Variants in RNF144B observed in about 807,000 individuals in gnomAD.
RNF144B encodes the protein E3 ubiquitin-protein ligase RNF144B.
In RNF144B, 25 loss-of-function variants were observed where a neutral mutation model predicts 40.2. The ratio of observed to expected loss-of-function variants is 0.62; its 90% confidence interval spans 0.45 to 0.87. RNF144B has a LOEUF of 0.87. Ranked by LOEUF, RNF144B falls within the 40% of genes least tolerant of loss-of-function variation. The probability of loss-of-function intolerance (pLI) is 0.00; values close to 1 mark genes in which losing one functional copy is unlikely to be tolerated. For synonymous variants in RNF144B, 145 were observed against 136.3 expected (o/e 1.06, Z -0.44); for missense variants, 365 against 373.7 (o/e 0.98, Z 0.19).
intron 3 of RNF144B, among the ~76,000 whole-genome samples, chr6:18,435,731 A>G (rs1009407062): frequency 2.0e-5 from 3 of 152,134 alleles, no homozygotes; most frequent in Admixed American, 6.5e-5. Context: ...AGGGACATGG[A>G]TGAAGCTGGA....
intron 2 of RNF144B, among the ~76,000 whole-genome samples, chr6:18,424,437 G>A (rs973684267): frequency 3.3e-5 from 5 of 152,104 alleles, no homozygotes; most frequent in Non-Finnish European, 5.9e-5. Context: ...TTGAACCAGT[G>A]TTTCTTAGCA....
Position 18,450,930 on chromosome 6 carries a change from C to G in RNF144B, c.332-6225C>G, listed in dbSNP as rs1759196640. Among the ~76,000 whole-genome samples the G allele has an allele frequency of 1.3e-5, 2 of 152,126 alleles. No homozygotes were observed. Among genetic ancestry groups the G allele is most frequent in the South Asian group, 4.2e-4 (2 of 4,818 alleles). On this transcript the variant is annotated intron_variant, in intron 4 of 7. Coordinates refer to ENST00000259939, the MANE Select transcript of RNF144B (RefSeq NM_182757.4). This position sits in a 1 kb window ranked among gnomAD's most constrained non-coding sequence, Gnocchi z 4.7. ...TGTGTTTTGTCTCAGCATGTGTTTCCTGCTTTGTTTTATGATTAGGAGGGA... is the reference window on the plus strand; with the variant it reads ...TGTGTTTTGTCTCAGCATGTGTTTCGTGCTTTGTTTTATGATTAGGAGGGA...
intron 2 of RNF144B, among the ~76,000 whole-genome samples, chr6:18,401,619 G>A (rs976841766): frequency 1.3e-5 from 2 of 152,154 alleles, no homozygotes; most frequent in African/African-American, 4.8e-5. Flanking sequence ...TTTGGTTAGA[G>A]ATTTATTTCT....
Position 18,387,421 on chromosome 6 carries a change from G to T in RNF144B, c.-246G>T, listed in dbSNP as rs539447648. 1.4e-5 allele frequency: 17 copies of T among 1,181,382 alleles called. No individual in the cohort carries two copies. The South Asian group carries it at 2.4e-4, about 16-fold the overall frequency. The allele number at this position is 1,181,382 out of a possible 1,614,324, so 73.2% of individuals were successfully genotyped here. A position where few individuals can be genotyped will look rare whatever the true frequency, so the allele number is the denominator to read the frequency against. ...TGCCAGTCAAGGCTAGGAGGCGGTC[G>T]GGGACTCCGCCTCCTCCCGACCCGT... On this transcript the variant is annotated 5_prime_UTR_variant, in exon 1 of 8. Transcript: ENST00000259939.
intron 4 of RNF144B, among the ~76,000 whole-genome samples, chr6:18,452,368 C>T (rs1265456920): frequency 6.6e-6 from 1 of 152,010 alleles, no homozygotes; most frequent in Non-Finnish European, 1.5e-5. Context: ...AAGGCATGTG[C>T]ACAATAGAAG....
chr6:18,415,443 C>T (rs1795132025), intron 2 of RNF144B, among the ~76,000 whole-genome samples: 1 of 152,110 alleles, frequency 6.6e-6, no homozygotes, highest in South Asian at 2.1e-4. Context: ...TCTGTGTCCT[C>T]ACGTGACAGA....
rs1209096448 is a variant in RNF144B at position 18,387,416 on chromosome 6, C to T, written c.-251C>T. 2 of 1,176,546 alleles carry T rather than the reference C, an allele frequency of 1.7e-6. No homozygotes were observed. Among genetic ancestry groups the T allele is most frequent in the African/African-American group, 1.6e-5 (1 of 61,698 alleles). 72.9% of individuals were successfully genotyped at this position (1,176,546 alleles called of 1,614,324 possible). ...GCAGCTGCCAGTCAAGGCTAGGAGGCGGTCGGGGACTCCGCCTCCTCCCGA... is the reference window on the plus strand; with the variant it reads ...GCAGCTGCCAGTCAAGGCTAGGAGGTGGTCGGGGACTCCGCCTCCTCCCGA... On this transcript the variant is annotated 5_prime_UTR_variant, in exon 1 of 8. Transcript: ENST00000259939.
At chr6:18,436,967 A>G (rs1758837289) in intron 3 of RNF144B, among the ~76,000 whole-genome samples, 1 of 152,000 alleles carries the variant, frequency 6.6e-6, no homozygotes, top group South Asian at 2.1e-4. Flanking sequence ...TCAGAAAATT[A>G]GTTCTAATCT....
chr6:18,462,044 C>T (rs991927171), intron 6 of RNF144B, among the ~76,000 whole-genome samples: 1 of 152,206 alleles, frequency 6.6e-6, no homozygotes, highest in Admixed American at 6.5e-5. Flanking sequence ...GTTTCAATTT[C>T]CACTCTCCAC....
rs756194094 is a variant in RNF144B at position 18,459,591 on chromosome 6, T to A, written c.537-16T>A. Reference sequence around the variant, plus strand: ...ACCATCAGCTGAATGCCATTTCTCATCCATTTTGTTTCTAGAGCCCTCTTT... The same window carrying A: ...ACCATCAGCTGAATGCCATTTCTCAACCATTTTGTTTCTAGAGCCCTCTTT... On this transcript the variant is annotated splice_polypyrimidine_tract_variant and intron_variant, in intron 5 of 7. Coordinates refer to ENST00000259939, the MANE Select transcript of RNF144B (RefSeq NM_182757.4). This position sits in a 1 kb window ranked among gnomAD's most constrained non-coding sequence, Gnocchi z 4.2. 4 of 1,611,178 alleles carry A rather than the reference T, an allele frequency of 2.5e-6. No homozygotes were observed. Among genetic ancestry groups the A allele is most frequent in the South Asian group, 1.1e-5 (1 of 90,898 alleles).
chr6:18,414,039 T>C lies in RNF144B; in HGVS notation c.166-13542T>C, dbSNP rs1318866374. On this transcript the variant is annotated intron_variant, in intron 2 of 7. Coordinates refer to ENST00000259939, the MANE Select transcript of RNF144B (RefSeq NM_182757.4). The surrounding 1 kb of genome is among the most constrained non-coding windows in gnomAD (Gnocchi z 4.9). ...CTTTTTAGAAAATGTTAAAAAAAAT[T>C]CCAGGTTTTGCAGGATAAATCCTCG... 6.6e-6 allele frequency among the ~76,000 whole-genome samples: 1 copy of C among 152,158 alleles called. No individual in the cohort carries two copies. The highest frequency in any genetic ancestry group is 2.4e-5 in the African/African-American group (1 of 41,428).
Position 18,457,343 on chromosome 6 carries a change from C to T in RNF144B, c.520C>T (p.Leu174=), listed in dbSNP as rs75403847. 1,818 of 1,613,698 alleles carry T rather than the reference C, an allele frequency of 1.1e-3. 1 individual carries two copies. Among genetic ancestry groups the T allele is most frequent in the Non-Finnish European group, 1.4e-3 (1,687 of 1,179,574 alleles). Residue 174 remains leucine, a synonymous_variant, in exon 5 of 8, where the codon CTG becomes TTG. Transcript: ENST00000259939. This position sits in a 1 kb window ranked among gnomAD's most constrained non-coding sequence, Gnocchi z 5.1. ...VSCRDSQPIV[L]PTEHRALFGT... is the part of the protein sequence containing the mutation. ...CTGTAGAGACAGTCAGCCTATTGTC[C>T]TGCCAACAGAGCACCGGTAAGAAAG...
intron 2 of RNF144B, among the ~76,000 whole-genome samples, chr6:18,403,739 T>G (rs1462187661): frequency 1.3e-5 from 2 of 152,136 alleles, no homozygotes; most frequent in African/African-American, 4.8e-5. Flanking sequence ...GAAAAGAGGT[T>G]TATTTAGCTC....
Position 18,443,552 on chromosome 6 carries a change from T to C in RNF144B, c.331+3808T>C, listed in dbSNP as rs1759013011. ...CTGGGATTACAGGTGTGAGCTACCGTGCCCGGCCTCTTAGGTGATTTTGGA... is the reference window on the plus strand; with the variant it reads ...CTGGGATTACAGGTGTGAGCTACCGCGCCCGGCCTCTTAGGTGATTTTGGA... On this transcript the variant is annotated intron_variant, in intron 4 of 7. Transcript: ENST00000259939. The surrounding 1 kb of genome is among the most constrained non-coding windows in gnomAD (Gnocchi z 4.7). Among the ~76,000 whole-genome samples, 1 of 152,170 alleles carries C rather than the reference T, an allele frequency of 6.6e-6. No individual in the cohort carries two copies. Among genetic ancestry groups the C allele is most frequent in the Admixed American group, 6.6e-5 (1 of 15,262 alleles).
intron 4 of RNF144B, among the ~76,000 whole-genome samples, chr6:18,449,092 A>G (rs1759151094): frequency 6.6e-6 from 1 of 152,218 alleles, no homozygotes; most frequent in Non-Finnish European, 1.5e-5. Context: ...ACTTTCTCCT[A>G]TGATAACCCT....
At position 18,416,589 on chromosome 6, in the gene RNF144B, A is replaced by C. The variant is rs1028371762; in HGVS notation, c.166-10992A>C. On this transcript the variant is annotated intron_variant, in intron 2 of 7. Coordinates refer to ENST00000259939, the MANE Select transcript of RNF144B (RefSeq NM_182757.4). This position sits in a 1 kb window ranked among gnomAD's most constrained non-coding sequence, Gnocchi z 5.5. ...TCTCCCATATTGAATGACTGTCCTCAAACTTACAAGGTGGATCTTAGTAAT... is the reference window on the plus strand; with the variant it reads ...TCTCCCATATTGAATGACTGTCCTCCAACTTACAAGGTGGATCTTAGTAAT... Among the ~76,000 whole-genome samples, 1 of 152,242 alleles carries C rather than the reference A, an allele frequency of 6.6e-6. No homozygotes were observed. Among genetic ancestry groups the C allele is most frequent in the Non-Finnish European group, 1.5e-5 (1 of 68,046 alleles).
chr6:18,388,233 C>G (rs1419413006), intron 1 of RNF144B, among the ~76,000 whole-genome samples: 1 of 152,080 alleles, frequency 6.6e-6, no homozygotes, highest in African/African-American at 2.4e-5. Flanking sequence ...TTTTCATGTT[C>G]TCATAACAGA....
rs1554182730 is a variant in RNF144B, at chr6:18,467,402, T to TTTTTG, written c.*2339_*2340insGTTTT. On this transcript the variant is annotated 3_prime_UTR_variant, in exon 8 of 8. Transcript: ENST00000259939. ...GTATCACTGAATTAGCTGCTTTTGT[T>TTTTTG]TTTTTTTTTTTTTTTTTGCCAGGGC... 2 of 128,046 alleles carry TTTTTG rather than the reference T, an allele frequency of 1.6e-5. No individual in the cohort carries two copies. The highest frequency in any genetic ancestry group is 8.0e-5 in the Admixed American group (1 of 12,486). 7.9% of individuals were successfully genotyped at this position (128,046 alleles called of 1,614,324 possible). A position where few individuals can be genotyped will look rare whatever the true frequency, so the allele number is the denominator to read the frequency against.
intron 2 of RNF144B, among the ~76,000 whole-genome samples, chr6:18,407,859 G>T (rs184788322): frequency 3.9e-5 from 6 of 152,032 alleles, no homozygotes; most frequent in African/African-American, 1.4e-4. Context: ...GAGATAAGTA[G>T]GCCTGCTATT....
Sources: gnomAD v4.1 joint callset for allele counts (sites outside exome capture counted in the v4.1 genomes callset) on GRCh38, gnomAD v4.1.1 for gene constraint, Gnocchi (gnomAD v3.1) non-coding constraint, MANE v1.5 for transcripts, NCBI Gene and HGNC (gene_info 2026-07-23, HGNC 2026-07-21) for gene names.